ANO8: variants seen among roughly 807,000 people sequenced by gnomAD.
ANO8 encodes anoctamin-8.
ANO8 carries 67 observed loss-of-function variants against 120.4 expected under a neutral mutation model. The ratio of observed to expected loss-of-function variants is 0.56; its 90% confidence interval spans 0.46 to 0.68. The LOEUF (loss-of-function observed/expected upper bound fraction) is 0.68, where lower values mean the gene tolerates loss of function less well. Among genes scored for constraint, ANO8 ranks in the 30% least tolerant of loss-of-function variants. The pLI, the probability that ANO8 is intolerant of heterozygous loss-of-function variation, is 0.00. For missense variants in ANO8, 1,526 were observed against 1,737.6 expected, an observed-to-expected ratio of 0.88 and a Z score of 2.16; for synonymous variants, 727 against 759.2, an observed-to-expected ratio of 0.96 and a Z score of 0.70.
At chr19:17,330,796 C>G in intron 8 of ANO8, 32 bp downstream of exon 8, 1 of 1,601,900 alleles carries the variant, frequency 6.2e-7, no homozygotes, top group Non-Finnish European at 8.5e-7. Context: ...TTTGTCCTGT[C>G]TCCATGACCC....
Position 17,334,702 on chromosome 19 carries a change from C to A in ANO8, c.-32G>T, listed in dbSNP as rs1029556555. 10 of 1,348,654 alleles carry A rather than the reference C, an allele frequency of 7.4e-6. No individual in the cohort carries two copies. The highest frequency in any genetic ancestry group is 4.6e-5 in the African/African-American group (3 of 64,632). The allele number at this position is 1,348,654 out of a possible 1,614,324, so 83.5% of individuals were successfully genotyped here. The stretch of plus-strand genomic sequence containing the variant: ...GACAGGTCAGGTCAGGGGCTACGGA[C>A]GGCCCGGGCGACGGGGAGCCGCGGG... On this transcript the variant is annotated 5_prime_UTR_variant, in exon 1 of 18. Coordinates refer to ENST00000159087, the MANE Select transcript of ANO8 (RefSeq NM_020959.3).
At chr19:17,324,601 C>T (rs2074260261) in intron 17 of ANO8, 116 bp downstream of exon 17, 4 of 1,462,418 alleles carry the variant, frequency 2.7e-6, no homozygotes, top group African/African-American at 1.4e-5. Context: ...AGGTCCCCAC[C>T]AGGACCTAAG....
At chr19:17,326,272 T>G (rs2074273298) in intron 16 of ANO8, among the ~76,000 whole-genome samples, 2 of 152,070 alleles carry the variant, frequency 1.3e-5, no homozygotes, top group South Asian at 4.2e-4. Context: ...CTTTGGGAGG[T>G]GGGCAGATTG....
rs1221817688 is a variant in ANO8, at chr19:17,328,315, G to A, written c.2073C>T (p.Pro691=). 11 of 1,597,374 alleles carry A rather than the reference G, an allele frequency of 6.9e-6. No homozygotes were observed. The highest frequency in any genetic ancestry group is 3.3e-5 in the South Asian group (3 of 89,872). ...RAGGEGRDQG[P]DGGPDPEPGS... is the part of the protein sequence containing the mutation. ...CGGGTTCCGGGTCCGGGCCCCCGTCGGGCCCCTGGTCTCGGCCCTCGCCCC... is the reference window on the plus strand; with the variant it reads ...CGGGTTCCGGGTCCGGGCCCCCGTCAGGCCCCTGGTCTCGGCCCTCGCCCC... Residue 691 remains proline, a synonymous_variant, in exon 13 of 18, where the codon CCC becomes CCT. Coordinates refer to ENST00000159087, the MANE Select transcript of ANO8 (RefSeq NM_020959.3).
Position 17,331,136 on chromosome 19 carries a change from G to A in ANO8, c.783C>T (p.Tyr261=). ...WLGFYTSAMV[Y]PAVFGSVLYT... is the part of the protein sequence containing the mutation. ...ACAGGACAGACCCGAAGACAGCTGG[G>A]TATACCATAGCCGACGTGTAGAAGC... Residue 261 remains tyrosine, a synonymous_variant, in exon 7 of 18, where the codon TAC becomes TAT. Transcript: ENST00000159087. 3 of 1,614,202 alleles carry A rather than the reference G, an allele frequency of 1.9e-6. No individual in the cohort carries two copies. The highest frequency in any genetic ancestry group is 2.5e-6 in the Non-Finnish European group (3 of 1,180,042).
Position 17,323,436 on chromosome 19 carries a change from GC to G in ANO8, c.*80del. On this transcript the variant is annotated 3_prime_UTR_variant, in exon 18 of 18. Coordinates refer to ENST00000159087, the MANE Select transcript of ANO8 (RefSeq NM_020959.3). ...ATACTGGGGGCCCTCGGGGGCTGAA[GC>G]GCATTTTGCATTTTGGAGACCGGCC... The G allele has an allele frequency of 7.9e-7, 1 of 1,269,824 alleles. No homozygotes were observed. 78.7% of individuals were successfully genotyped at this position (1,269,824 alleles called of 1,614,324 possible).
At chr19:17,334,330 G>T (rs2074344124) in intron 1 of ANO8, among the ~76,000 whole-genome samples, 1 of 152,154 alleles carries the variant, frequency 6.6e-6, no homozygotes, top group Non-Finnish European at 1.5e-5. Context: ...GTGGCAGGGC[G>T]CAGCCCAAGC....
chr19:17,328,256 C>A lies in ANO8; in HGVS notation c.2132G>T (p.Arg711Leu). Residue 711 changes from arginine (R) to leucine (L), a missense_variant, in exon 13 of 18, where the codon CGG becomes CTG. Physicochemically the swap from Arg to Leu is moderately radical, Grantham distance 102. Coordinates refer to ENST00000159087, the MANE Select transcript of ANO8 (RefSeq NM_020959.3). ...GTCAATCCAAGACGACCGGTTCTGCCGTCTCTGCCTACGGGTCGAATCGCT... is the reference window on the plus strand; with the variant it reads ...GTCAATCCAAGACGACCGGTTCTGCAGTCTCTGCCTACGGGTCGAATCGCT... ...SNSDSTRRQR[R>L]QNRSSWIDPP... 1 of 1,611,522 alleles carries A rather than the reference C, an allele frequency of 6.2e-7. No individual in the cohort carries two copies. Among genetic ancestry groups the A allele is most frequent in the Non-Finnish European group, 8.5e-7 (1 of 1,179,040 alleles).
At position 17,323,358 on chromosome 19, in the gene ANO8, T is replaced by A; in HGVS notation, c.*159A>T. 2.2e-6 allele frequency: 1 copy of A among 450,048 alleles called. No individual in the cohort carries two copies. The highest frequency in any genetic ancestry group is 3.4e-5 in the East Asian group (1 of 29,052). The allele number at this position is 450,048 out of a possible 1,614,324, so 27.9% of individuals were successfully genotyped here. ...GTGTGTGTGTGTTTTCTGTTGGATT[T>A]GTGGGTTTCCTTTCGTTTGGAAAGG... On this transcript the variant is annotated 3_prime_UTR_variant, in exon 18 of 18. Coordinates refer to ENST00000159087, the MANE Select transcript of ANO8 (RefSeq NM_020959.3).
chr19:17,323,485 G>A lies in ANO8; in HGVS notation c.*32C>T. 1 of 1,290,676 alleles carries A rather than the reference G, an allele frequency of 7.7e-7. No homozygotes were observed. The highest frequency in any genetic ancestry group is 3.2e-5 in the South Asian group (1 of 31,292). 80.0% of individuals were successfully genotyped at this position (1,290,676 alleles called of 1,614,324 possible). ...GCCGCCCCTGTGAATGACTGATATT[G>A]CATATGAGAAGAGAAGGCAGGGCGG... On this transcript the variant is annotated 3_prime_UTR_variant, in exon 18 of 18. Transcript: ENST00000159087.
In ANO8 at chr19:17,328,336, G is replaced by A; in HGVS notation, c.2052C>T (p.Gly684=). 8 of 1,581,060 alleles carry A rather than the reference G, an allele frequency of 5.1e-6. No individual in the cohort carries two copies. Among genetic ancestry groups the A allele is most frequent in the Non-Finnish European group, 6.9e-6 (8 of 1,166,848 alleles). The change falls in exon 13 of 18, where the codon GGC becomes GGT. Residue 684 remains glycine, a synonymous_variant. Coordinates refer to ENST00000159087, the MANE Select transcript of ANO8 (RefSeq NM_020959.3). ...CGTCGGGCCCCTGGTCTCGGCCCTC[G>A]CCCCCGGCCCGGCGGAACAAGATGG... ...PPAILFRRAG[G]EGRDQGPDGG...
intron 17 of ANO8, 93 bp downstream of exon 17, chr19:17,324,624 C>A: frequency 6.7e-7 from 1 of 1,495,596 alleles, no homozygotes; most frequent in Non-Finnish European, 8.9e-7. Context: ...CGGGCTTCCC[C>A]TGTCCCCTTC....
chr19:17,328,556 C>A lies in ANO8; in HGVS notation c.1832G>T (p.Gly611Val). ...GAAGCTGACCTTCTTCAGCCGGAGC[C>A]CGCAGTCCAGGAGGCCCCCTTCCTC... is the stretch of plus-strand genomic sequence containing the variant. ...EGEEGGLLDC[G>V]LRLKKVSFAE... is the part of the protein sequence containing the mutation. Residue 611 changes from glycine (G) to valine (V), a missense_variant, in exon 13 of 18, where the codon GGG becomes GTG. Gly to Val is a moderately radical substitution (Grantham distance 109, BLOSUM62 -3). Transcript: ENST00000159087. The A allele has an allele frequency of 6.5e-7, 1 of 1,548,648 alleles. No homozygotes were observed. The highest frequency in any genetic ancestry group is 8.7e-7 in the Non-Finnish European group (1 of 1,147,314).
intron 5 of ANO8, among the ~76,000 whole-genome samples, chr19:17,331,833 A>G (rs182622962): frequency 4.7e-4 from 70 of 150,522 alleles, no homozygotes; most frequent in African/African-American, 1.6e-3. Flanking sequence ...GGGTTTCGCC[A>G]TGTTGGCCAG....
chr19:17,324,840 C>A lies in ANO8; in HGVS notation c.3208G>T (p.Gly1070Cys), dbSNP rs138225606. 3.1e-6 allele frequency: 5 copies of A among 1,611,786 alleles called. No homozygotes were observed. The African/African-American group carries it at 5.3e-5, about 17-fold the overall frequency. The change falls in exon 17 of 18, where the codon GGC becomes TGC. Residue 1070 changes from glycine to cysteine, a missense_variant. Transcript: ENST00000159087. Reference sequence around the variant, plus strand: ...GTCCCATCTGGCCGGGCCTGCCCGCCCGCCCCGTTGGACCCAGGCTCAGCC... The same window carrying A: ...GTCCCATCTGGCCGGGCCTGCCCGCACGCCCCGTTGGACCCAGGCTCAGCC... ...TRAEPGSNGAGGQARPDGTPS... is the reference protein window; with the variant it reads ...TRAEPGSNGACGQARPDGTPS...
In ANO8 at chr19:17,325,041, C is replaced by T. The variant is rs149591347; in HGVS notation, c.3007G>A (p.Gly1003Arg). The part of the protein sequence containing the change: ...ATSSLAAAGA[G>R]ATTRPPPAQS... Reference sequence around the variant, plus strand: ...GCAGGGGGAGGCCGGGTGGTGGCTCCGGCCCCTGCAGCAGCCAGTGAGGAT... The same window carrying T: ...GCAGGGGGAGGCCGGGTGGTGGCTCTGGCCCCTGCAGCAGCCAGTGAGGAT... Residue 1003 changes from glycine (G) to arginine (R), a missense_variant, in exon 17 of 18, where the codon GGA becomes AGA. Coordinates refer to ENST00000159087, the MANE Select transcript of ANO8 (RefSeq NM_020959.3). 1.8e-5 allele frequency: 29 copies of T among 1,612,828 alleles called. No individual in the cohort carries two copies. The highest frequency in any genetic ancestry group is 4.4e-5 in the South Asian group (4 of 91,074).
chr19:17,333,284 C>G lies in ANO8; in HGVS notation c.351-45G>C. ...GGTGGGCTCACAGGGAGGCCCCGGC[C>G]CACCATCCTGGAGCTGAGGATGGTG... On this transcript the variant is annotated intron_variant, in intron 3 of 17. Transcript: ENST00000159087. This position sits in a 1 kb window ranked among gnomAD's most constrained non-coding sequence, Gnocchi z 7.2. The G allele has an allele frequency of 6.2e-7, 1 of 1,601,978 alleles. No homozygotes were observed. Among genetic ancestry groups the G allele is most frequent in the South Asian group, 1.1e-5 (1 of 90,504 alleles).
Position 17,327,554 on chromosome 19 carries a change from T to C in ANO8, c.2434A>G (p.Met812Val). Reference protein sequence around the residue: ...IGQWQKVMEAMGVLAIVVNCY... With the variant: ...IGQWQKVMEAVGVLAIVVNCY... ...TTGACCACAATCGCTAGGACACCCA[T>C]GGCCTCCATCACCTTCTGCAGGGCG... is the stretch of plus-strand genomic sequence containing the variant. The change falls in exon 15 of 18, where the codon ATG becomes GTG. Residue 812 changes from methionine to valine, a missense_variant. Transcript: ENST00000159087. The C allele has an allele frequency of 6.2e-7, 1 of 1,613,420 alleles. No homozygotes were observed. Among genetic ancestry groups the C allele is most frequent in the Non-Finnish European group, 8.5e-7 (1 of 1,179,872 alleles).
rs1004773095 is a variant in ANO8, at chr19:17,328,101, G to C, written c.2226+61C>G. ...TCCCACCCCCACGGCCTTCACCCTC[G>C]GACGGTGTGTCCCGTCCCCGGCGAG... On this transcript the variant is annotated intron_variant, in intron 13 of 17. Transcript: ENST00000159087. The C allele has an allele frequency of 1.3e-5, 17 of 1,354,524 alleles. No individual in the cohort carries two copies. The Admixed American group carries it at 1.9e-4, about 15-fold the overall frequency. The allele number at this position is 1,354,524 out of a possible 1,614,324, so 83.9% of individuals were successfully genotyped here.
Sources: allele counts gnomAD v4.1 joint callset (sites outside exome capture counted in the v4.1 genomes callset), GRCh38; gene constraint gnomAD v4.1.1; non-coding constraint Gnocchi (gnomAD v3.1); transcripts MANE v1.5; gene names NCBI Gene and HGNC (gene_info 2026-07-23, HGNC 2026-07-21).